CHD1L: variants seen among roughly 807,000 people sequenced by gnomAD.
CHD1L encodes the protein chromodomain helicase DNA binding protein 1 like.
CHD1L carries 118 observed loss-of-function variants against 115.9 expected under a neutral mutation model. The ratio of observed to expected loss-of-function variants is 1.02; its 90% CI spans 0.88 to 1.19. The LOEUF (loss-of-function observed/expected upper bound fraction) is 1.19. Ranked by LOEUF, CHD1L falls within the 50% of genes most tolerant of loss-of-function variation. CHD1L has a pLI of 0.00. For missense variants in CHD1L, 1,179 were observed against 1,065.3 expected, an observed-to-expected ratio of 1.11 and a Z score of -1.49; for synonymous variants, 411 against 387.1, an observed-to-expected ratio of 1.06 and a Z score of -0.72.
chr1:147,204,276 A>G, the CHD1L span: 6 of 1,011,338 alleles, frequency 5.9e-6, no homozygotes, highest in East Asian at 9.5e-5. Flanking sequence ...AAACCATGCC[A>G]TGCAATACTG....
At chr1:147,265,733 G>A (rs1279680686) in intron 7 of CHD1L, among the ~76,000 whole-genome samples, 199 bp from the exon 8 acceptor site, 1 of 152,036 alleles carries the variant, frequency 6.6e-6, no homozygotes, top group Non-Finnish European at 1.5e-5. Context: ...CTCGTTCTTG[G>A]GCTAAGAACA....
chr1:147,243,430 T>C (rs1233055836), intron 1 of CHD1L, among the ~76,000 whole-genome samples: 5 of 151,850 alleles, frequency 3.3e-5, no homozygotes, highest in Non-Finnish European at 5.9e-5. Flanking sequence ...CCACGTACTA[T>C]ATGCCAACTT....
At chr1:147,242,478 A>C (rs1665010039), upstream of CHD1L, among the ~76,000 whole-genome samples, 1 of 152,226 alleles carries the variant, frequency 6.6e-6, no homozygotes, top group African/African-American at 2.4e-5. Flanking sequence ...CTTCAGAAGC[A>C]CGACTGGTGA....
At chr1:147,177,896 C>T in the CHD1L span, among the ~76,000 whole-genome samples, 1 of 151,912 alleles carries the variant, frequency 6.6e-6, no homozygotes, top group Non-Finnish European at 1.5e-5. Flanking sequence ...TTTTAAGTGC[C>T]TAAGTCCTGA....
At chr1:147,222,468 T>C in the CHD1L span, among the ~76,000 whole-genome samples, 1 of 152,062 alleles carries the variant, frequency 6.6e-6, no homozygotes, top group African/African-American at 2.4e-5. Context: ...AAAATTTAAA[T>C]GGGAGGAATG....
At chr1:147,192,620 C>T in the CHD1L span, among the ~76,000 whole-genome samples, 1 of 152,010 alleles carries the variant, frequency 6.6e-6, no homozygotes, top group Non-Finnish European at 1.5e-5. Flanking sequence ...CCAGTTTTTG[C>T]CCATTCAGTA....
intron 15 of CHD1L, among the ~76,000 whole-genome samples, chr1:147,282,418 T>A (rs1241002239): frequency 2.0e-5 from 3 of 152,156 alleles, no homozygotes; most frequent in African/African-American, 7.2e-5. Flanking sequence ...ACTCTGTACT[T>A]GTAAGTCCTA....
At chr1:147,220,441 A>G in the CHD1L span, among the ~76,000 whole-genome samples, 1 of 152,198 alleles carries the variant, frequency 6.6e-6, no homozygotes, top group African/African-American at 2.4e-5. Context: ...CCAAGCTAAC[A>G]CATGGATTCT....
At chr1:147,269,323 A>C (rs1474056810) in intron 10 of CHD1L, among the ~76,000 whole-genome samples, 1 of 152,016 alleles carries the variant, frequency 6.6e-6, no homozygotes, top group Non-Finnish European at 1.5e-5. Flanking sequence ...TTTGATTTAA[A>C]CTTAAGGGGA....
the CHD1L span, among the ~76,000 whole-genome samples, chr1:147,218,380 C>T: frequency 6.6e-6 from 1 of 151,652 alleles, no homozygotes. Context: ...GGCCTACAGG[C>T]ACGCGCCACT....
intron 11 of CHD1L, among the ~76,000 whole-genome samples, chr1:147,271,888 G>A (rs1218836018): frequency 6.6e-6 from 1 of 152,208 alleles, no homozygotes; most frequent in Admixed American, 6.5e-5. Context: ...GATGCTCAGG[G>A]TTGCTTGAGA....
the CHD1L span, chr1:147,187,284 TTCAA>T: frequency 6.8e-7 from 1 of 1,466,790 alleles, no homozygotes; most frequent in Non-Finnish European, 9.3e-7. Flanking sequence ...CTGTCAATAA[TTCAA>T]TCAGTCAGTC....
the CHD1L span, chr1:147,204,857 C>G: frequency 1.2e-6 from 2 of 1,601,660 alleles, no homozygotes; most frequent in Non-Finnish European, 1.7e-6. Context: ...ACAGCCTCTT[C>G]TAATTCTGAA....
intron 1 of CHD1L, among the ~76,000 whole-genome samples, chr1:147,243,820 T>C (rs1665717053): frequency 6.6e-6 from 1 of 152,122 alleles, no homozygotes; most frequent in Non-Finnish European, 1.5e-5. Flanking sequence ...CTAGTGAGAG[T>C]GCATTTAAAA....
chr1:147,242,547 T>G, upstream of CHD1L: 1 of 744,358 alleles, frequency 1.3e-6, no homozygotes. Flanking sequence ...GAAGGGTGAC[T>G]GCACCAGCTC....
At chr1:147,275,317 G>A (rs781972510) in intron 12 of CHD1L, 37 bp from the exon 13 acceptor site, 17 of 1,477,310 alleles carry the variant, frequency 1.2e-5, no homozygotes, top group Non-Finnish European at 1.6e-5. Context: ...CCTCGTCTTT[G>A]TGCTGCTGAT....
chr1:147,173,509 T>G, the CHD1L span: 1 of 151,938 alleles, frequency 6.6e-6, no homozygotes, highest in Non-Finnish European at 1.5e-5. Context: ...TCAGAAGAAA[T>G]AAAATTCAAG....
intron 3 of CHD1L, 142 bp from the exon 4 acceptor site, chr1:147,255,671 T>C (rs1669876348): frequency 3.8e-6 from 2 of 522,866 alleles, no homozygotes; most frequent in South Asian, 3.6e-5. Flanking sequence ...TTAGATAAGA[T>C]TCAGAGCCCC....
the CHD1L span, among the ~76,000 whole-genome samples, chr1:147,192,840 C>G: frequency 6.6e-6 from 1 of 152,106 alleles, no homozygotes. Context: ...GTTGAACCAG[C>G]CTTGCATCCC....
Sources: allele counts gnomAD v4.1 joint callset (sites outside exome capture counted in the v4.1 genomes callset), GRCh38; gene constraint gnomAD v4.1.1; transcripts MANE v1.5; gene names NCBI Gene and HGNC (gene_info 2026-07-23, HGNC 2026-07-21).